MAPK8: variants seen among roughly 807,000 people sequenced by gnomAD.
The protein encoded by MAPK8 is JUN N-terminal kinase.
In MAPK8, 13 loss-of-function variants were observed where a neutral mutation model predicts 52.9. The ratio of observed to expected loss-of-function variants is 0.25; its 90% CI spans 0.16 to 0.39. The LOEUF is 0.39. Ranked by LOEUF, MAPK8 falls within the 10% of genes least tolerant of loss-of-function variation. MAPK8 has a pLI of 1.00. For synonymous variants in MAPK8, 191 were observed against 169.8 expected (o/e 1.12, Z -0.97); for missense variants, 300 against 519.2 (o/e 0.58, Z 4.10).
rs546097716 is a variant in MAPK8 at position 48,333,472 on chromosome 10, C to A, written c.-50+26651C>A. The stretch of plus-strand genomic sequence containing the variant: ...AAAGCAGCAGGTTGCCTTTTCCCAC[C>A]CCATATTTGAGTGAGCACTCCAAGG... On this transcript the variant is annotated intron_variant, in intron 1 of 11. Coordinates refer to ENST00000374189, the MANE Select transcript of MAPK8 (RefSeq NM_001323329.2). 1.9e-4 allele frequency among the ~76,000 whole-genome samples: 29 copies of A among 152,296 alleles called. No homozygotes were observed. The South Asian group carries it at 5.6e-3, about 29-fold the overall frequency.
In MAPK8 at chr10:48,352,270, A is replaced by C. The variant is rs573955947; in HGVS notation, c.-50+45449A>C. 1.3e-5 allele frequency among the ~76,000 whole-genome samples: 2 copies of C among 152,232 alleles called. 1 individual carries two copies. Among genetic ancestry groups the C allele is most frequent in the South Asian group, 4.1e-4 (2 of 4,822 alleles). On this transcript the variant is annotated intron_variant, in intron 1 of 11. Transcript: ENST00000374189. ...TAAGGGAATACTTCCTAATTCATTT[A>C]TGAAATCAGTATTATTTTGCTACCA...
chr10:48,400,671 TG>T (rs2042114019), intron 1 of MAPK8, among the ~76,000 whole-genome samples: 2 of 152,220 alleles, frequency 1.3e-5, no homozygotes, highest in Admixed American at 6.5e-5. Flanking sequence ...CAGGATTTCT[TG>T]GGGGTTAGCA....
chr10:48,408,101 A>T (rs1041075135), intron 3 of MAPK8, among the ~76,000 whole-genome samples: 1 of 152,246 alleles, frequency 6.6e-6, no homozygotes. Flanking sequence ...AAAAACATCA[A>T]TTCTGCCCTT....
chr10:48,316,092 G>T (rs2132106813), intron 1 of MAPK8, among the ~76,000 whole-genome samples: 1 of 152,352 alleles, frequency 6.6e-6, no homozygotes, highest in Admixed American at 6.5e-5. Context: ...TCACTTGATA[G>T]TGAATGTAGG....
At chr10:48,413,815 T>TTATATATACATATATA (rs2042894325) in intron 5 of MAPK8, among the ~76,000 whole-genome samples, 1 of 48,378 alleles carries the variant, frequency 2.1e-5, no homozygotes, top group African/African-American at 7.6e-5. Flanking sequence ...GCCAGAATTG[T>TTATATATACATATATA]TATATATATA....
intron 1 of MAPK8, among the ~76,000 whole-genome samples, chr10:48,357,556 C>T (rs1448235444): frequency 6.6e-6 from 1 of 152,026 alleles, no homozygotes; most frequent in Non-Finnish European, 1.5e-5. Context: ...GCCACCACAC[C>T]TGGCTAAATT....
chr10:48,365,691 A>G (rs1051954551), intron 1 of MAPK8, among the ~76,000 whole-genome samples: 1 of 152,310 alleles, frequency 6.6e-6, no homozygotes, highest in African/African-American at 2.4e-5. Flanking sequence ...AATCTTTGAC[A>G]AAAGTATTTT....
intron 5 of MAPK8, among the ~76,000 whole-genome samples, chr10:48,410,544 A>G (rs1295278487): frequency 6.6e-6 from 1 of 152,168 alleles, no homozygotes; most frequent in African/African-American, 2.4e-5. Flanking sequence ...TCATCCATCG[A>G]TGGACATTTG....
chr10:48,347,057 T>C (rs553314376), intron 1 of MAPK8, among the ~76,000 whole-genome samples: 1 of 152,280 alleles, frequency 6.6e-6, no homozygotes, highest in African/African-American at 2.4e-5. Context: ...AGCTGCTTTT[T>C]CTCTTGTCTC....
intron 1 of MAPK8, among the ~76,000 whole-genome samples, chr10:48,379,254 G>A (rs992166105): frequency 6.6e-6 from 1 of 152,088 alleles, no homozygotes; most frequent in Non-Finnish European, 1.5e-5. Context: ...TTTACATACC[G>A]CAAGTCAGGA....
chr10:48,422,601 A>G (rs2043431795), intron 6 of MAPK8, among the ~76,000 whole-genome samples: 2 of 152,194 alleles, frequency 1.3e-5, no homozygotes, highest in South Asian at 4.1e-4. Flanking sequence ...CTGGATATTT[A>G]AAGTTTAACA....
chr10:48,323,008 G>A (rs1843138389), intron 1 of MAPK8, among the ~76,000 whole-genome samples: 1 of 152,134 alleles, frequency 6.6e-6, no homozygotes, highest in Admixed American at 6.5e-5. Context: ...GGTTGATCAA[G>A]GTTTATGTCA....
chr10:48,392,674 C>T (rs895144544), intron 1 of MAPK8, among the ~76,000 whole-genome samples: 1 of 151,936 alleles, frequency 6.6e-6, no homozygotes, highest in African/African-American at 2.4e-5. Flanking sequence ...CTCTTCCTCT[C>T]TTTATTGGAT....
chr10:48,419,648 AG>A (rs1329920577), intron 5 of MAPK8, among the ~76,000 whole-genome samples: 1 of 152,216 alleles, frequency 6.6e-6, no homozygotes, highest in East Asian at 1.9e-4. Context: ...TGACTCTTCT[AG>A]TCCTTTGGAA....
Position 48,401,667 on chromosome 10 carries a change from A to G in MAPK8, c.7A>G (p.Arg3Gly), listed in dbSNP as rs2042165911. 1.2e-6 allele frequency: 2 copies of G among 1,610,788 alleles called. No homozygotes were observed. The highest frequency in any genetic ancestry group is 1.7e-6 in the Non-Finnish European group (2 of 1,178,686). MS[R>G]SKRDNNFYSV... ...AAATTAATTGCTTGCCATCATGAGC[A>G]GAAGCAAGCGTGACAACAATTTTTA... is the stretch of plus-strand genomic sequence containing the variant. Residue 3 changes from arginine to glycine, a missense_variant, in exon 2 of 12, where the codon AGA (arginine) becomes GGA (glycine). Around this residue, in one of 3 missense-constraint regions of MAPK8, gnomAD observed 34 missense variants for 36.7 expected, o/e 0.93. Transcript: ENST00000374189.
intron 1 of MAPK8, among the ~76,000 whole-genome samples, chr10:48,387,330 T>C (rs1194539247): frequency 6.6e-6 from 1 of 152,130 alleles, no homozygotes; most frequent in Non-Finnish European, 1.5e-5. Context: ...TACTGATGCT[T>C]AAAGGATTTG....
At chr10:48,421,544 C>A (rs931384130) in intron 6 of MAPK8, among the ~76,000 whole-genome samples, 3 of 152,200 alleles carry the variant, frequency 2.0e-5, no homozygotes, top group Non-Finnish European at 4.4e-5. Flanking sequence ...GTCGCTTACA[C>A]CTGTAATCCC....
intron 5 of MAPK8, among the ~76,000 whole-genome samples, chr10:48,411,041 A>G (rs905445545): frequency 6.6e-6 from 1 of 152,228 alleles, no homozygotes; most frequent in Non-Finnish European, 1.5e-5. Context: ...TATCAGGTAT[A>G]TAATTTGTAA....
chr10:48,374,052 C>A (rs2040498430), intron 1 of MAPK8, among the ~76,000 whole-genome samples: 1 of 152,132 alleles, frequency 6.6e-6, no homozygotes, highest in African/African-American at 2.4e-5. Flanking sequence ...GTCTCTCAGA[C>A]CACAGTGCAG....
Sources: allele counts gnomAD v4.1 joint callset (sites outside exome capture counted in the v4.1 genomes callset), GRCh38; gene constraint gnomAD v4.1.1; regional missense constraint gnomAD v4.1.1; transcripts MANE v1.5; gene names NCBI Gene and HGNC (gene_info 2026-07-23, HGNC 2026-07-21).